The following FTCDNL1 variants were observed in gnomAD, a reference collection of about 807,000 sequenced individuals.
FTCDNL1 encodes formiminotransferase N-terminal subdomain-containing protein.
FTCDNL1 carries 11 observed loss-of-function variants against 5.9 expected under a neutral mutation model. The observed-to-expected ratio is 1.87, with a 90% CI of 1.18 to 3.10. The LOEUF (loss-of-function observed/expected upper bound fraction) is 3.10. FTCDNL1 is among the 30% of genes most tolerant of loss of function. The pLI is 0.00. For synonymous variants in FTCDNL1, 58 were observed against 24.8 expected, an observed-to-expected ratio of 2.34 and a Z score of -3.99; for missense variants, 115 against 65.5, an observed-to-expected ratio of 1.76 and a Z score of -2.61.
chr2:199,716,033 T>TAA, the FTCDNL1 span, among the ~76,000 whole-genome samples: 26 of 108,934 alleles, frequency 2.4e-4, no homozygotes, highest in East Asian at 8.3e-4. Flanking sequence ...TGCCTCTAGT[T>TAA]AAAAAAAAAA....
At position 199,831,812 on chromosome 2, in the gene FTCDNL1, T is replaced by C. The variant is rs562636571; in HGVS notation, c.212-12055A>G. Among the ~76,000 whole-genome samples the C allele has an allele frequency of 2.0e-5, 3 of 152,278 alleles. No individual in the cohort carries two copies. The South Asian group carries it at 6.2e-4, about 32-fold the overall frequency. On this transcript the variant is annotated intron_variant, in intron 3 of 4. Coordinates refer to ENST00000420128, the MANE Select transcript of FTCDNL1 (RefSeq NM_001363886.2). Reference sequence around the variant, plus strand: ...TAATTTTAAAAAATCAGGCAAGGTCTAATAAATAAATGGTTGTGAGGATTC... The same window carrying C: ...TAATTTTAAAAAATCAGGCAAGGTCCAATAAATAAATGGTTGTGAGGATTC...
chr2:199,689,582 C>A, the FTCDNL1 span, among the ~76,000 whole-genome samples: 1 of 152,148 alleles, frequency 6.6e-6, no homozygotes, highest in South Asian at 2.1e-4. Flanking sequence ...AACCTCACCC[C>A]TGTTCAGTAC....
At chr2:199,793,356 T>C (rs887568773) in intron 3 of FTCDNL1, among the ~76,000 whole-genome samples, 3 of 152,010 alleles carry the variant, frequency 2.0e-5, no homozygotes, top group Admixed American at 6.6e-5. Flanking sequence ...TTCCTGAGAA[T>C]AGACGGAGGA....
the FTCDNL1 span, among the ~76,000 whole-genome samples, chr2:199,690,060 T>G: frequency 1.3e-5 from 2 of 152,202 alleles, no homozygotes; most frequent in Admixed American, 6.5e-5. Flanking sequence ...AGCAGGTTAT[T>G]GAGTAGCAAG....
the FTCDNL1 span, among the ~76,000 whole-genome samples, chr2:199,730,220 A>C: frequency 6.6e-6 from 1 of 152,238 alleles, no homozygotes; most frequent in South Asian, 2.1e-4. Flanking sequence ...CTAAAGACTT[A>C]AATGTAAAAC....
chr2:199,751,992 G>T, the FTCDNL1 span, among the ~76,000 whole-genome samples: 1 of 151,996 alleles, frequency 6.6e-6, no homozygotes, highest in Non-Finnish European at 1.5e-5. Flanking sequence ...AGGGAGCCAC[G>T]GGTGGATCAC....
At chr2:199,709,262 C>A in the FTCDNL1 span, among the ~76,000 whole-genome samples, 1 of 152,164 alleles carries the variant, frequency 6.6e-6, no homozygotes, top group African/African-American at 2.4e-5. Flanking sequence ...CTCAGAGAAG[C>A]CTAATCTGAA....
At chr2:199,707,448 GATTT>G in the FTCDNL1 span, among the ~76,000 whole-genome samples, 2 of 151,836 alleles carry the variant, frequency 1.3e-5, no homozygotes, top group African/African-American at 2.4e-5. Context: ...CAAGGCATTG[GATTT>G]ATTATCGTAA....
chr2:199,713,562 C>A, the FTCDNL1 span, among the ~76,000 whole-genome samples: 1 of 152,114 alleles, frequency 6.6e-6, no homozygotes, highest in East Asian at 1.9e-4. Flanking sequence ...AACTTAGTTT[C>A]TTGTTTGTGT....
chr2:199,737,197 C>A, the FTCDNL1 span, among the ~76,000 whole-genome samples: 3 of 152,240 alleles, frequency 2.0e-5, no homozygotes, highest in South Asian at 6.2e-4. Flanking sequence ...AGTGACTTAA[C>A]TAATCACTCT....
chr2:199,747,689 C>T, the FTCDNL1 span, among the ~76,000 whole-genome samples: 3 of 152,152 alleles, frequency 2.0e-5, no homozygotes, highest in Admixed American at 6.5e-5. Context: ...CATTTCATTG[C>T]CGTACACTGA....
the FTCDNL1 span, among the ~76,000 whole-genome samples, chr2:199,675,426 AATT>A: frequency 3.9e-5 from 6 of 152,142 alleles, no homozygotes; most frequent in Non-Finnish European, 8.8e-5. Context: ...TCACAATTAA[AATT>A]AATAAATTTA....
chr2:199,823,699 G>T (rs1343024824), intron 3 of FTCDNL1, among the ~76,000 whole-genome samples: 1 of 152,196 alleles, frequency 6.6e-6, no homozygotes, highest in Non-Finnish European at 1.5e-5. Flanking sequence ...GCTGTAAACA[G>T]ATGTGCTGTC....
At chr2:199,726,667 G>A in the FTCDNL1 span, among the ~76,000 whole-genome samples, 15,073 of 151,944 alleles carry the variant, frequency 0.099, 1,029 homozygotes, top group Middle Eastern at 0.26. Flanking sequence ...TCTTCCATAG[G>A]GCTGCTGTGG....
the FTCDNL1 span, among the ~76,000 whole-genome samples, chr2:199,729,135 A>G: frequency 6.6e-6 from 1 of 152,250 alleles, no homozygotes; most frequent in African/African-American, 2.4e-5. Flanking sequence ...TTTGGAAAAT[A>G]AAAAGTTGAA....
intron 3 of FTCDNL1, chr2:199,760,841 A>T (rs2106241957): frequency 4.3e-6 from 3 of 702,316 alleles, no homozygotes; most frequent in South Asian, 1.5e-5. Flanking sequence ...GTCCACTGGG[A>T]ATAAGGGAAG....
chr2:199,738,609 T>C, the FTCDNL1 span, among the ~76,000 whole-genome samples: 8 of 152,130 alleles, frequency 5.3e-5, no homozygotes, highest in Admixed American at 5.2e-4. Context: ...AAACAGAGGA[T>C]TGTGATACAC....
the FTCDNL1 span, among the ~76,000 whole-genome samples, chr2:199,677,734 C>G: frequency 1.3e-5 from 2 of 152,136 alleles, no homozygotes; most frequent in African/African-American, 2.4e-5. Flanking sequence ...TGTGAAATGT[C>G]TAAGAAAATT....
At chr2:199,729,431 A>G in the FTCDNL1 span, among the ~76,000 whole-genome samples, 1 of 152,242 alleles carries the variant, frequency 6.6e-6, no homozygotes, top group Non-Finnish European at 1.5e-5. Context: ...TGTGGATGAC[A>G]TGATTGTATA....
Sources: gnomAD v4.1 joint callset for allele counts (sites outside exome capture counted in the v4.1 genomes callset) on GRCh38, gnomAD v4.1.1 for gene constraint, MANE v1.5 for transcripts, NCBI Gene and HGNC (gene_info 2026-07-23, HGNC 2026-07-21) for gene names.